Variants in TEC observed in about 807,000 individuals in gnomAD.
The protein encoded by TEC is tyrosine-protein kinase Tec.
In TEC, 72 loss-of-function variants were observed where a neutral mutation model predicts 93.0. The observed-to-expected ratio is 0.77, with a 90% CI of 0.64 to 0.94. TEC has a LOEUF of 0.94. Ranked by LOEUF, TEC falls within the 40% of genes least tolerant of loss-of-function variation. TEC has a pLI of 0.00. For missense variants in TEC, 630 were observed against 757.9 expected (o/e 0.83, Z 1.98); for synonymous variants, 249 against 247.7 (o/e 1.01, Z -0.05).
chr4:48,187,661 G>C (rs1721937775), intron 2 of TEC, among the ~76,000 whole-genome samples: 1 of 152,114 alleles, frequency 6.6e-6, no homozygotes, highest in South Asian at 2.1e-4. Context: ...TGGCCCCAGA[G>C]CTAAAACCTA....
At chr4:48,216,252 A>AC (rs963374535) in intron 2 of TEC, among the ~76,000 whole-genome samples, 194 of 151,956 alleles carry the variant, frequency 1.3e-3, no homozygotes, top group African/African-American at 4.6e-3. Flanking sequence ...AGGAAAAAAA[A>AC]AAAAACAAAA....
intron 2 of TEC, among the ~76,000 whole-genome samples, chr4:48,207,971 A>G (rs1458561934): frequency 6.6e-6 from 1 of 152,194 alleles, no homozygotes; most frequent in African/African-American, 2.4e-5. Context: ...AAGAAAGAAG[A>G]CCAAGGCAAA....
chr4:48,164,531 A>ACC (rs1250559478), intron 7 of TEC, among the ~76,000 whole-genome samples: 1 of 148,410 alleles, frequency 6.7e-6, no homozygotes, highest in Non-Finnish European at 1.5e-5. Context: ...TTGAATTTAA[A>ACC]GTATTAGTAA....
chr4:48,145,130 C>T lies in TEC; in HGVS notation c.1419G>A (p.Val473=), dbSNP rs1167389855. 6.2e-7 allele frequency: 1 copy of T among 1,614,030 alleles called. No homozygotes were observed. Among genetic ancestry groups the T allele is most frequent in the South Asian group, 1.1e-5 (1 of 91,070 alleles). The change falls in exon 14 of 18, where the codon GTG becomes GTA. Residue 473 remains valine, a synonymous_variant. Coordinates refer to ENST00000381501, the MANE Select transcript of TEC (RefSeq NM_003215.3). ...RDVLLSMCQD[V]CEGMEYLERN... is the part of the protein sequence containing the mutation. ...TCTCCAGATACTCCATCCCTTCACACACATCCTGACACATGCTCAGCAGTA... is the reference window on the plus strand; with the variant it reads ...TCTCCAGATACTCCATCCCTTCACATACATCCTGACACATGCTCAGCAGTA...
chr4:48,232,792 C>T (rs978888072), intron 1 of TEC, among the ~76,000 whole-genome samples: 3 of 152,106 alleles, frequency 2.0e-5, no homozygotes, highest in African/African-American at 7.2e-5. Flanking sequence ...AACTGGAAAA[C>T]AAATAAATAT....
At chr4:48,250,679 A>G (rs2352595) in intron 1 of TEC, among the ~76,000 whole-genome samples, 141,867 of 152,174 alleles carry the variant, frequency 0.93, 66,977 homozygotes, top group East Asian at 1. Context: ...AGTTGATCCA[A>G]ACATCTCAGC....
At chr4:48,263,070 C>T (rs1724537897) in intron 1 of TEC, among the ~76,000 whole-genome samples, 1 of 152,122 alleles carries the variant, frequency 6.6e-6, no homozygotes, top group Non-Finnish European at 1.5e-5. Flanking sequence ...ATTAAGGGAG[C>T]CTGAGGAATG....
At chr4:48,142,826 G>A (rs531899423) in intron 14 of TEC, among the ~76,000 whole-genome samples, 30 of 152,050 alleles carry the variant, frequency 2.0e-4, no homozygotes, top group African/African-American at 5.8e-4. Context: ...GACTACAGGC[G>A]TCTGCCACCA....
At position 48,175,380 on chromosome 4, in the gene TEC, C is replaced by G. The variant is rs549717307; in HGVS notation, c.243+702G>C. 2.6e-4 allele frequency among the ~76,000 whole-genome samples: 40 copies of G among 152,322 alleles called. No homozygotes were observed. The East Asian group carries it at 7.1e-3, about 27-fold the overall frequency. ...ACAGCCATGGGTAAAAGGCGACTTT[C>G]ACTAGGGACATTCACTGCTCAAGGA... On this transcript the variant is annotated intron_variant, in intron 3 of 17. Coordinates refer to ENST00000381501, the MANE Select transcript of TEC (RefSeq NM_003215.3).
At chr4:48,268,801 A>G (rs1165121803) in intron 1 of TEC, among the ~76,000 whole-genome samples, 1 of 152,240 alleles carries the variant, frequency 6.6e-6, no homozygotes, top group East Asian at 1.9e-4. Context: ...ATAATCTTCA[A>G]ACCCACTTAG....
intron 2 of TEC, among the ~76,000 whole-genome samples, chr4:48,186,465 C>T (rs1366522450): frequency 1.3e-5 from 2 of 149,838 alleles, no homozygotes; most frequent in South Asian, 2.1e-4. Flanking sequence ...GCCTCTGCCC[C>T]GCCGCCCCGT....
intron 1 of TEC, among the ~76,000 whole-genome samples, chr4:48,230,655 G>A (rs545872002): frequency 5.5e-4 from 83 of 152,182 alleles, no homozygotes; most frequent in African/African-American, 1.9e-3. Context: ...GCCTCCCCAC[G>A]ACCTGCAGAG....
intron 11 of TEC, among the ~76,000 whole-genome samples, chr4:48,149,157 T>C (rs898222315): frequency 2.6e-5 from 4 of 152,186 alleles, no homozygotes; most frequent in South Asian, 2.1e-4. Flanking sequence ...GTCTTTATAA[T>C]AGAATGATTT....
At chr4:48,259,946 T>C (rs1463407620) in intron 1 of TEC, among the ~76,000 whole-genome samples, 3 of 152,138 alleles carry the variant, frequency 2.0e-5, no homozygotes, top group Non-Finnish European at 4.4e-5. Context: ...CAAAGTTTCA[T>C]AAACTCTAGA....
chr4:48,144,307 A>G (rs1719811304), intron 14 of TEC, among the ~76,000 whole-genome samples: 2 of 152,210 alleles, frequency 1.3e-5, no homozygotes, highest in Non-Finnish European at 2.9e-5. Flanking sequence ...AATATGGGAG[A>G]AAGTCCCAAA....
chr4:48,212,907 T>A (rs749198346), intron 2 of TEC, among the ~76,000 whole-genome samples: 31 of 152,268 alleles, frequency 2.0e-4, no homozygotes, highest in Admixed American at 8.5e-4. Flanking sequence ...AATTACTCCA[T>A]CCCTAGCACT....
rs1388111029 is a variant in TEC, at chr4:48,186,734, G to A, written c.139-10548C>T. Reference sequence around the variant, plus strand: ...GTCCAGGAGGTGGGGGGCAGCCCCCGCCCGGTCAGCCGCCCCGTCCGGGAG... The same window carrying A: ...GTCCAGGAGGTGGGGGGCAGCCCCCACCCGGTCAGCCGCCCCGTCCGGGAG... On this transcript the variant is annotated intron_variant, in intron 2 of 17. Transcript: ENST00000381501. Among the ~76,000 whole-genome samples the A allele has an allele frequency of 2.7e-5, 4 of 150,796 alleles. No homozygotes were observed. The East Asian group carries it at 7.9e-4, about 30-fold the overall frequency.
chr4:48,159,806 G>T (rs1056607875), intron 8 of TEC, among the ~76,000 whole-genome samples: 1 of 152,142 alleles, frequency 6.6e-6, no homozygotes, highest in Admixed American at 6.5e-5. Flanking sequence ...AGCACCCAAA[G>T]TATTGGGATT....
intron 1 of TEC, among the ~76,000 whole-genome samples, chr4:48,263,661 C>A (rs1432275982): frequency 6.6e-6 from 1 of 152,128 alleles, no homozygotes; most frequent in Admixed American, 6.5e-5. Context: ...CATGCCACTG[C>A]ACTCCAGTCT....
Sources: gnomAD v4.1 joint callset for allele counts (sites outside exome capture counted in the v4.1 genomes callset) on GRCh38, gnomAD v4.1.1 for gene constraint, MANE v1.5 for transcripts, NCBI Gene and HGNC (gene_info 2026-07-23, HGNC 2026-07-21) for gene names.